NRIP1: variants seen among roughly 807,000 people sequenced by gnomAD.
The protein encoded by NRIP1 is nuclear receptor interacting protein 1.
Under a neutral mutation model 75.0 loss-of-function variants are expected in NRIP1, and 28 were observed. The ratio of observed to expected loss-of-function variants is 0.37; its 90% confidence interval spans 0.28 to 0.51. The LOEUF is 0.51. Ranked by LOEUF, NRIP1 falls within the 20% of genes least tolerant of loss-of-function variation. The pLI, the probability that NRIP1 is intolerant of heterozygous loss-of-function variation, is 0.92. For missense variants in NRIP1, 1,435 were observed against 1,343.7 expected, an observed-to-expected ratio of 1.07 and a Z score of -1.06; for synonymous variants, 526 against 487.6, an observed-to-expected ratio of 1.08 and a Z score of -1.04.
chr21:15,004,440 TCTTA>T (rs2087918276), intron 3 of NRIP1, among the ~76,000 whole-genome samples: 1 of 152,246 alleles, frequency 6.6e-6, no homozygotes, highest in Admixed American at 6.5e-5. Flanking sequence ...AAAATTACTC[TCTTA>T]GATTGTTCTG....
intron 1 of NRIP1, among the ~76,000 whole-genome samples, chr21:15,062,512 T>C (rs1365426275): frequency 6.6e-6 from 1 of 152,254 alleles, no homozygotes; most frequent in Non-Finnish European, 1.5e-5. Context: ...AACTCCGTTT[T>C]AAAATCTTCT....
At chr21:14,984,006 T>C (rs1032750198) in intron 3 of NRIP1, among the ~76,000 whole-genome samples, 4 of 152,208 alleles carry the variant, frequency 2.6e-5, no homozygotes, top group African/African-American at 9.6e-5. Context: ...CAACATCCAT[T>C]CTGCAGCTCA....
At chr21:14,996,060 C>T (rs530139038) in intron 3 of NRIP1, among the ~76,000 whole-genome samples, 131 of 152,002 alleles carry the variant, frequency 8.6e-4, no homozygotes, top group African/African-American at 3.1e-3. Flanking sequence ...ATGGGAGCCA[C>T]CAATACAACT....
chr21:15,019,420 A>T (rs984263196), intron 2 of NRIP1, among the ~76,000 whole-genome samples: 3 of 149,334 alleles, frequency 2.0e-5, no homozygotes, highest in African/African-American at 7.3e-5. Context: ...AATAATTAAT[A>T]AAAAAAAGTT....
intron 3 of NRIP1, among the ~76,000 whole-genome samples, chr21:14,980,730 G>GTA (rs2147010707): frequency 6.6e-6 from 1 of 152,050 alleles, no homozygotes; most frequent in South Asian, 2.1e-4. Flanking sequence ...ACCACCTGCT[G>GTA]TAGCTTTATA....
chr21:15,006,769 A>G (rs1440114978), intron 3 of NRIP1, among the ~76,000 whole-genome samples: 1 of 152,216 alleles, frequency 6.6e-6, no homozygotes, highest in Admixed American at 6.5e-5. Context: ...AATAACACCT[A>G]GTGAGTAAAT....
At chr21:15,029,103 C>T (rs1226067508) in intron 2 of NRIP1, among the ~76,000 whole-genome samples, 2 of 152,142 alleles carry the variant, frequency 1.3e-5, no homozygotes, top group African/African-American at 4.8e-5. Context: ...CCATTCAAGT[C>T]ATCTCCTTCT....
chr21:15,020,802 T>G (rs1011864482), intron 2 of NRIP1, among the ~76,000 whole-genome samples: 7 of 151,942 alleles, frequency 4.6e-5, no homozygotes, highest in African/African-American at 1.7e-4. Context: ...AGATGCTCAT[T>G]GTCATCCACT....
At position 14,965,672 on chromosome 21, in the gene NRIP1, T is replaced by C; in HGVS notation, c.2521A>G (p.Asn841Asp). 6.2e-7 allele frequency: 1 copy of C among 1,613,522 alleles called. No homozygotes were observed. Among genetic ancestry groups the C allele is most frequent in the Non-Finnish European group, 8.5e-7 (1 of 1,179,950 alleles). The change falls in exon 4 of 4, where the codon AAT becomes GAT. Residue 841 changes from asparagine (N) to aspartate (D), a missense_variant. Physicochemically the swap from Asn to Asp is conservative, Grantham distance 23. Coordinates refer to ENST00000318948, the MANE Select transcript of NRIP1 (RefSeq NM_003489.4). ...LADDSDRSHR[N>D]NEMALLESKN... ...GATTCTAGAAGTGCCATTTCATTAT[T>C]TCTGTGACTCCTGTCTGAATCATCT...
In NRIP1 at chr21:15,014,203, C is replaced by A. The variant is rs552052359; in HGVS notation, c.-335+141G>T. On this transcript the variant is annotated intron_variant, in intron 3 of 3. Transcript: ENST00000318948. ...TCTTTCATTTTTTAAACCACATTGCCTGATGAAGTAACTTGCACAGATGAA... is the reference window on the plus strand; with the variant it reads ...TCTTTCATTTTTTAAACCACATTGCATGATGAAGTAACTTGCACAGATGAA... 15 of 360,814 alleles carry A rather than the reference C, an allele frequency of 4.2e-5. No homozygotes were observed. In the South Asian group the frequency reaches 1.9e-3, roughly 47 times the overall value. 22.4% of individuals were successfully genotyped at this position (360,814 alleles called of 1,614,324 possible). A position where few individuals can be genotyped will look rare whatever the true frequency, so the allele number is the denominator to read the frequency against.
intron 1 of NRIP1, among the ~76,000 whole-genome samples, chr21:15,044,575 T>A (rs920430067): frequency 1.3e-5 from 2 of 152,060 alleles, no homozygotes; most frequent in Non-Finnish European, 2.9e-5. Flanking sequence ...AGATCTGACT[T>A]ATACTTCTAG....
At chr21:14,984,255 A>C (rs771020456) in intron 3 of NRIP1, among the ~76,000 whole-genome samples, 6 of 152,196 alleles carry the variant, frequency 3.9e-5, no homozygotes, top group Admixed American at 1.3e-4. Flanking sequence ...TCAGTGGAAG[A>C]AGCAACTGCA....
chr21:15,039,986 C>T (rs1426152763), intron 2 of NRIP1, among the ~76,000 whole-genome samples: 3 of 152,130 alleles, frequency 2.0e-5, no homozygotes, highest in East Asian at 3.9e-4. Flanking sequence ...TGACATGGCA[C>T]CTTTCTACTG....
Position 14,965,653 on chromosome 21 carries a change from A to G in NRIP1, c.2540T>C (p.Leu847Pro), listed in dbSNP as rs976427561. ...GACCATGCAAAGATTCTTTGATTCTAGAAGTGCCATTTCATTATTTCTGTG... is the reference window on the plus strand; with the variant it reads ...GACCATGCAAAGATTCTTTGATTCTGGAAGTGCCATTTCATTATTTCTGTG... ...RSHRNNEMAL[L>P]ESKNLCMVPK... Residue 847 changes from leucine (L) to proline (P), a missense_variant, in exon 4 of 4, where the codon CTA becomes CCA. Leu to Pro is a moderately conservative substitution (Grantham distance 98). Coordinates refer to ENST00000318948, the MANE Select transcript of NRIP1 (RefSeq NM_003489.4). The G allele has an allele frequency of 3.7e-6, 6 of 1,613,302 alleles. 1 individual carries two copies. Among genetic ancestry groups the G allele is most frequent in the Admixed American group, 3.3e-5 (2 of 59,906 alleles).
At chr21:15,048,147 G>C (rs1312965311) in intron 1 of NRIP1, among the ~76,000 whole-genome samples, 2 of 151,990 alleles carry the variant, frequency 1.3e-5, no homozygotes, top group African/African-American at 4.8e-5. Flanking sequence ...TAACATCAAA[G>C]ATCACTGATT....
chr21:14,994,944 A>G (rs1435053348), intron 3 of NRIP1, among the ~76,000 whole-genome samples: 1 of 152,192 alleles, frequency 6.6e-6, no homozygotes, highest in African/African-American at 2.4e-5. Flanking sequence ...AAAAACCTAC[A>G]CTCACCTGCC....
In NRIP1 at chr21:14,965,660, C is replaced by T; in HGVS notation, c.2533G>A (p.Ala845Thr). 1 of 1,613,290 alleles carries T rather than the reference C, an allele frequency of 6.2e-7. No homozygotes were observed. Among genetic ancestry groups the T allele is most frequent in the Non-Finnish European group, 8.5e-7 (1 of 1,179,898 alleles). ...CAAAGATTCTTTGATTCTAGAAGTG[C>T]CATTTCATTATTTCTGTGACTCCTG... ...SDRSHRNNEMALLESKNLCMV... is the reference protein window; with the variant it reads ...SDRSHRNNEMTLLESKNLCMV... Residue 845 changes from alanine (A) to threonine (T), a missense_variant, in exon 4 of 4, where the codon GCA becomes ACA. Coordinates refer to ENST00000318948, the MANE Select transcript of NRIP1 (RefSeq NM_003489.4).
In NRIP1 at chr21:14,963,326, G is replaced by C. The variant is rs919511519; in HGVS notation, c.*1390C>G. The stretch of plus-strand genomic sequence containing the variant: ...CTGGAATCACCTGAGTTTGGTAAGT[G>C]GCCCTGTTTTTCCATCCCTAAGGCT... On this transcript the variant is annotated 3_prime_UTR_variant, in exon 4 of 4. Coordinates refer to ENST00000318948, the MANE Select transcript of NRIP1 (RefSeq NM_003489.4). 2.0e-5 allele frequency: 3 copies of C among 152,434 alleles called. No individual in the cohort carries two copies. Among genetic ancestry groups the C allele is most frequent in the African/African-American group, 7.2e-5 (3 of 41,396 alleles). The allele number at this position is 152,434 out of a possible 1,614,324, so 9.4% of individuals were successfully genotyped here.
chr21:15,003,514 A>G (rs2087895737), intron 3 of NRIP1, among the ~76,000 whole-genome samples: 1 of 152,154 alleles, frequency 6.6e-6, no homozygotes, highest in Non-Finnish European at 1.5e-5. Flanking sequence ...CTGTCATCTT[A>G]TATCATGTCA....
Sources: allele counts gnomAD v4.1 joint callset (sites outside exome capture counted in the v4.1 genomes callset), GRCh38; gene constraint gnomAD v4.1.1; transcripts MANE v1.5; gene names NCBI Gene and HGNC (gene_info 2026-07-23, HGNC 2026-07-21).